Variants in AFF3 observed in about 807,000 individuals in gnomAD.
AFF3 encodes AF4/FMR2 family member 3.
In AFF3, 32 loss-of-function variants were observed where a neutral mutation model predicts 129.7. The observed-to-expected ratio is 0.25, with a 90% CI of 0.19 to 0.33. AFF3 has a LOEUF of 0.33. Among genes scored for constraint, AFF3 ranks in the 10% least tolerant of loss-of-function variants. The pLI is 1.00. For missense variants in AFF3, 1,373 were observed against 1,592.0 expected (o/e 0.86, Z 2.34); for synonymous variants, 644 against 635.4 (o/e 1.01, Z -0.20).
intron 12 of AFF3, among the ~76,000 whole-genome samples, chr2:99,656,416 A>C (rs1685753098): frequency 2.0e-5 from 3 of 152,192 alleles, no homozygotes; most frequent in Admixed American, 2.0e-4. Flanking sequence ...CTGTGATAGG[A>C]CATTGTATCC....
intron 8 of AFF3, among the ~76,000 whole-genome samples, chr2:99,832,638 T>C (rs1383993845): frequency 6.6e-6 from 1 of 152,236 alleles, no homozygotes; most frequent in Non-Finnish European, 1.5e-5. Flanking sequence ...AAATGAGATA[T>C]AAAAGTGTGG....
intron 13 of AFF3, among the ~76,000 whole-genome samples, chr2:99,634,350 C>T (rs1366108817): frequency 3.9e-5 from 6 of 152,212 alleles, no homozygotes; most frequent in African/African-American, 1.4e-4. Flanking sequence ...CAGAGCTAAG[C>T]TGTGGCTTGG....
At chr2:100,116,900 G>A (rs1336716106) in intron 2 of AFF3, among the ~76,000 whole-genome samples, 1 of 151,934 alleles carries the variant, frequency 6.6e-6, no homozygotes, top group East Asian at 1.9e-4. Flanking sequence ...GTTTCTTTCA[G>A]TCTGGAAATA....
chr2:99,673,886 C>T (rs2104476229), intron 11 of AFF3, among the ~76,000 whole-genome samples: 1 of 152,314 alleles, frequency 6.6e-6, no homozygotes, highest in African/African-American at 2.4e-5. Flanking sequence ...TCGCTTCACG[C>T]ACCCTGACCC....
chr2:100,044,790 T>C (rs962359999), intron 4 of AFF3, among the ~76,000 whole-genome samples: 9 of 152,140 alleles, frequency 5.9e-5, no homozygotes, highest in African/African-American at 2.2e-4. Flanking sequence ...AAGAAAACTG[T>C]ACAACAGTAC....
intron 7 of AFF3, among the ~76,000 whole-genome samples, chr2:99,970,570 C>T (rs1678260062): frequency 6.6e-6 from 1 of 152,214 alleles, no homozygotes; most frequent in South Asian, 2.1e-4. Context: ...CTTCCCTTCA[C>T]CACAGAAACG....
At chr2:99,826,033 G>T (rs1452299372) in intron 8 of AFF3, among the ~76,000 whole-genome samples, 2 of 151,854 alleles carry the variant, frequency 1.3e-5, no homozygotes, top group African/African-American at 4.8e-5. Flanking sequence ...TTAATTTTTT[G>T]AGATGGAGTC....
intron 18 of AFF3, among the ~76,000 whole-genome samples, chr2:99,570,527 G>A (rs1455862330): frequency 5.9e-5 from 9 of 152,024 alleles, no homozygotes; most frequent in Admixed American, 2.0e-4. Flanking sequence ...TAGTGGAGAC[G>A]GGGTTTTGCC....
intron 11 of AFF3, among the ~76,000 whole-genome samples, chr2:99,673,311 A>G (rs552121264): frequency 6.6e-6 from 1 of 152,254 alleles, no homozygotes; most frequent in South Asian, 2.1e-4. Flanking sequence ...GGGGAAAACC[A>G]AGCAGGAGGG....
At chr2:100,140,086 C>T (rs12712064) in intron 1 of AFF3, among the ~76,000 whole-genome samples, 56,300 of 152,062 alleles carry the variant, frequency 0.37, 10,698 homozygotes, top group East Asian at 0.57. Flanking sequence ...GATTTCAACA[C>T]GTTTTCCTTA....
intron 4 of AFF3, among the ~76,000 whole-genome samples, chr2:100,080,176 G>A (rs949740368): frequency 2.0e-5 from 3 of 152,276 alleles, no homozygotes; most frequent in South Asian, 2.1e-4. Flanking sequence ...ACATCAGGTC[G>A]GATGTCAAAT....
intron 4 of AFF3, among the ~76,000 whole-genome samples, chr2:100,023,088 AC>A (rs930464559): frequency 5.3e-5 from 8 of 152,188 alleles, no homozygotes; most frequent in Non-Finnish European, 2.9e-5. Flanking sequence ...TTCAGAGAAC[AC>A]ACCTCTCAGC....
chr2:100,134,441 A>G (rs1692551841), intron 1 of AFF3, among the ~76,000 whole-genome samples: 1 of 152,138 alleles, frequency 6.6e-6, no homozygotes, highest in Non-Finnish European at 1.5e-5. Context: ...CTGTCATTAT[A>G]TATTGAAGTA....
intron 2 of AFF3, among the ~76,000 whole-genome samples, chr2:100,114,824 G>A (rs1476402221): frequency 6.6e-5 from 10 of 152,188 alleles, no homozygotes; most frequent in African/African-American, 9.7e-5. Context: ...GCAAGCCCCC[G>A]TGTTGAGTTC....
At chr2:99,680,205 G>A (rs1674395020) in intron 11 of AFF3, among the ~76,000 whole-genome samples, 1 of 152,188 alleles carries the variant, frequency 6.6e-6, no homozygotes, top group Admixed American at 6.5e-5. Context: ...GGGAAAGAGG[G>A]CTGGATATAC....
chr2:99,798,523 T>C (rs2105488821), intron 8 of AFF3, among the ~76,000 whole-genome samples: 1 of 152,026 alleles, frequency 6.6e-6, no homozygotes, highest in East Asian at 1.9e-4. Flanking sequence ...ATGAGCAGAC[T>C]GCATTAAAAG....
At position 99,674,899 on chromosome 2, in the gene AFF3, C is replaced by G. The variant is rs561753144; in HGVS notation, c.1092-2310G>C. The stretch of plus-strand genomic sequence containing the variant: ...AATGCTGCTGTGTGAGGCTCTCTTT[C>G]AAGGTAGGGAATGCAGCTTACTTCT... On this transcript the variant is annotated intron_variant, in intron 11 of 24. Transcript: ENST00000672756. Among the ~76,000 whole-genome samples, 303 of 152,270 alleles carry G rather than the reference C, an allele frequency of 2.0e-3. 1 individual carries two copies. The highest frequency in any genetic ancestry group is 7.1e-3 in the African/African-American group (295 of 41,560).
chr2:99,890,116 T>C (rs1182288208), intron 7 of AFF3, among the ~76,000 whole-genome samples: 1 of 152,176 alleles, frequency 6.6e-6, no homozygotes, highest in Non-Finnish European at 1.5e-5. Context: ...GCCCCAGACA[T>C]TCTGTGTGAA....
At chr2:100,066,947 G>A (rs749765727) in intron 4 of AFF3, among the ~76,000 whole-genome samples, 1 of 152,162 alleles carries the variant, frequency 6.6e-6, no homozygotes, top group African/African-American at 2.4e-5. Context: ...AACAACAGGA[G>A]GGGACAGATA....
Sources: allele counts gnomAD v4.1 joint callset (sites outside exome capture counted in the v4.1 genomes callset), GRCh38; gene constraint gnomAD v4.1.1; transcripts MANE v1.5; gene names NCBI Gene and HGNC (gene_info 2026-07-23, HGNC 2026-07-21).